The following DRC3 variants were observed in gnomAD, a reference collection of about 807,000 sequenced individuals.
DRC3 encodes the protein dynein regulatory complex subunit 3.
Under a neutral mutation model 57.6 loss-of-function variants are expected in DRC3, and 45 were observed. The ratio of observed to expected loss-of-function variants is 0.78; its 90% CI spans 0.62 to 1.00. The LOEUF (loss-of-function observed/expected upper bound fraction) is 1.00. DRC3 is among the 50% of genes least tolerant of loss of function. The pLI, the probability that DRC3 is intolerant of heterozygous loss-of-function variation, is 0.00. For synonymous variants in DRC3, 257 were observed against 272.3 expected, an observed-to-expected ratio of 0.94 and a Z score of 0.55; for missense variants, 655 against 675.2, an observed-to-expected ratio of 0.97 and a Z score of 0.33.
chr17:17,978,533 GCT>G (rs904476689), intron 3 of DRC3, among the ~76,000 whole-genome samples: 2 of 152,176 alleles, frequency 1.3e-5, no homozygotes, highest in Non-Finnish European at 2.9e-5. Context: ...TCACATTCGT[GCT>G]CTGTCTTGGG....
intron 9 of DRC3, among the ~76,000 whole-genome samples, chr17:18,001,445 G>A (rs1327705597): frequency 1.3e-5 from 2 of 152,318 alleles, no homozygotes; most frequent in Admixed American, 1.3e-4. Flanking sequence ...GGAGGTTGCA[G>A]TGGGCCAAGA....
At chr17:18,004,337 C>G in intron 9 of DRC3, 26 bp from the exon 10 acceptor site, 1 of 1,585,582 alleles carries the variant, frequency 6.3e-7, no homozygotes. Flanking sequence ...GTTGTTGATT[C>G]CTAAAGTGCA....
At chr17:18,006,737 G>A (rs963629250) in intron 11 of DRC3, 5 of 415,436 alleles carry the variant, frequency 1.2e-5, no homozygotes, top group Non-Finnish European at 2.2e-5. Flanking sequence ...GAGGCAACAA[G>A]TGGTGCCAAA....
At chr17:17,974,574 G>T (rs1260771064) in intron 2 of DRC3, among the ~76,000 whole-genome samples, 1 of 152,114 alleles carries the variant, frequency 6.6e-6, no homozygotes, top group Non-Finnish European at 1.5e-5. Flanking sequence ...GTGCTTTCCA[G>T]GGATTCTAGG....
chr17:17,990,119 G>A (rs80186930), intron 5 of DRC3, among the ~76,000 whole-genome samples: 3,659 of 152,320 alleles, frequency 0.024, 70 homozygotes, highest in Non-Finnish European at 0.038. Context: ...AGGATGGAGA[G>A]AGCAAGAACT....
At chr17:18,006,722 T>C (rs374050757) in intron 11 of DRC3, 16 of 390,596 alleles carry the variant, frequency 4.1e-5, no homozygotes, top group African/African-American at 3.3e-4. Context: ...GGGAGACAAG[T>C]TGTAGAGGCA....
intron 4 of DRC3, among the ~76,000 whole-genome samples, chr17:17,985,945 T>TCTGTCACCCAGGCTGGAG (rs2145266214): frequency 6.6e-6 from 1 of 152,326 alleles, no homozygotes; most frequent in African/African-American, 2.4e-5. Context: ...GGAGTCTCAT[T>TCTGTCACCCAGGCTGGAG]CTGTCACCCA....
At chr17:18,010,916 TG>T in intron 12 of DRC3, 2 of 274,404 alleles carry the variant, frequency 7.3e-6, no homozygotes, top group South Asian at 3.3e-5. Context: ...GACTTTTTCC[TG>T]GGGGCCTCTC....
At chr17:17,987,864 G>C in intron 4 of DRC3, 68 bp from the exon 5 acceptor site, 1 of 1,545,722 alleles carries the variant, frequency 6.5e-7, no homozygotes, top group Non-Finnish European at 8.8e-7. Context: ...AGCCCTGATG[G>C]TTTTATTTCA....
At chr17:18,016,424 C>A in intron 13 of DRC3, 134 bp from the exon 14 acceptor site, 2 of 790,368 alleles carry the variant, frequency 2.5e-6, no homozygotes, top group Non-Finnish European at 4.0e-6. Context: ...ATCAGCAGAA[C>A]CTGGGGAGGC....
At chr17:17,985,295 T>C (rs1226119000) in intron 4 of DRC3, among the ~76,000 whole-genome samples, 2 of 152,214 alleles carry the variant, frequency 1.3e-5, no homozygotes, top group African/African-American at 4.8e-5. Context: ...CCCCAACCCC[T>C]TGCAGTGGCC....
rs2044354274 is a variant in DRC3 at position 18,016,137 on chromosome 17, A to G, written c.1400A>G (p.Asn467Ser). The change falls in exon 13 of 14, where the codon AAT (asparagine) becomes AGT (serine). Residue 467 changes from asparagine to serine, a missense_variant. By Grantham distance (46) the Asn-to-Ser change is conservative (BLOSUM62 1). Transcript: ENST00000399187. ...SHDIHLLKID[N>S]REDELVTRIN... The stretch of plus-strand genomic sequence containing the variant: ...GACATCCACCTCCTGAAGATTGACA[A>G]TCGAGAAGATGAGCTGGTGACCAGA... The G allele has an allele frequency of 1.2e-6, 2 of 1,614,008 alleles. No homozygotes were observed. The highest frequency in any genetic ancestry group is 1.7e-6 in the Non-Finnish European group (2 of 1,179,872).
In DRC3 at chr17:18,007,317, A is replaced by G. The variant is rs2044014644; in HGVS notation, c.1326+170A>G. 1.2e-5 allele frequency: 17 copies of G among 1,397,008 alleles called. 1 individual carries two copies. In the South Asian group the frequency reaches 2.0e-4, roughly 16 times the overall value. The allele number at this position is 1,397,008 out of a possible 1,614,324, so 86.5% of individuals were successfully genotyped here. On this transcript the variant is annotated intron_variant, in intron 12 of 13. Coordinates refer to ENST00000399187, the MANE Select transcript of DRC3 (RefSeq NM_031294.4). The stretch of plus-strand genomic sequence containing the variant: ...GGTTGCTGGCAGATAAAATAGGCTA[A>G]CAAAGCACCTGGTGGGGCACCCAGT...
At chr17:18,006,891 T>G (rs1597634805) in intron 11 of DRC3, 133 bp from the exon 12 acceptor site, 1 of 1,402,686 alleles carries the variant, frequency 7.1e-7, no homozygotes. Flanking sequence ...TCGGAGCTTG[T>G]GAGTGGACGG....
chr17:17,990,032 A>G (rs961202437), intron 5 of DRC3, among the ~76,000 whole-genome samples: 1 of 152,222 alleles, frequency 6.6e-6, no homozygotes, highest in African/African-American at 2.4e-5. Flanking sequence ...GGGCTCTGCC[A>G]TCCTCAGCAT....
At chr17:17,999,979 C>T (rs115945401) in intron 9 of DRC3, among the ~76,000 whole-genome samples, 2,656 of 150,826 alleles carry the variant, frequency 0.018, 83 homozygotes, top group African/African-American at 0.061. Flanking sequence ...ACTTTGCTTT[C>T]GTGTGTGTGT....
Position 17,994,328 on chromosome 17 carries a change from C to T in DRC3, c.621C>T (p.Tyr207=), listed in dbSNP as rs375413014. The change falls in exon 7 of 14, where the codon TAC becomes TAT. Residue 207 remains tyrosine (Y), a synonymous_variant. Coordinates refer to ENST00000399187, the MANE Select transcript of DRC3 (RefSeq NM_031294.4). The part of the protein sequence containing the change: ...TKKLAEAKHQ[Y]SIDELKHQEN... ...AGCTTGCGGAGGCTAAGCACCAGTA[C>T]AGCATCGACGAGCTGAAGCACCAGG... The T allele has an allele frequency of 6.4e-7, 1 of 1,554,014 alleles. No homozygotes were observed. Among genetic ancestry groups the T allele is most frequent in the Non-Finnish European group, 8.7e-7 (1 of 1,148,508 alleles).
At chr17:17,977,789 A>AGGGTGGGCCCTCCC in intron 3 of DRC3, 31 bp downstream of exon 3, 1 of 1,541,126 alleles carries the variant, frequency 6.5e-7, no homozygotes. Context: ...GGTGGTGGCC[A>AGGGTGGGCCCTCCC]GGGTGGGCCC....
At chr17:18,009,220 C>A (rs1568541504) in intron 12 of DRC3, among the ~76,000 whole-genome samples, 1 of 152,102 alleles carries the variant, frequency 6.6e-6, no homozygotes, top group Non-Finnish European at 1.5e-5. Context: ...TTGAGACCAG[C>A]CTGGGTAACA....
Sources: allele counts gnomAD v4.1 joint callset (sites outside exome capture counted in the v4.1 genomes callset), GRCh38; gene constraint gnomAD v4.1.1; transcripts MANE v1.5; gene names NCBI Gene and HGNC (gene_info 2026-07-23, HGNC 2026-07-21).